The following LRRFIP2 variants were observed in gnomAD, a reference collection of about 807,000 sequenced individuals.
LRRFIP2 encodes the protein leucine-rich repeat flightless-interacting protein 2.
In LRRFIP2, 109 loss-of-function variants were observed where a neutral mutation model predicts 125.9. That is an observed-to-expected ratio of 0.87 (90% CI 0.74 to 1.01). The LOEUF is 1.01. Among genes scored for constraint, LRRFIP2 ranks in the 50% least tolerant of loss-of-function variants. The probability of loss-of-function intolerance (pLI) is 0.00; values close to 1 mark genes in which losing one functional copy is unlikely to be tolerated. For synonymous variants in LRRFIP2, 291 were observed against 293.1 expected, an observed-to-expected ratio of 0.99 and a Z score of 0.07; for missense variants, 850 against 862.3, an observed-to-expected ratio of 0.99 and a Z score of 0.18.
intron 25 of LRRFIP2, among the ~76,000 whole-genome samples, chr3:37,057,055 GC>G (rs1404464760): frequency 8.5e-5 from 13 of 152,082 alleles, no homozygotes; most frequent in Admixed American, 6.5e-4. Context: ...TCCACTCCTG[GC>G]CTTCTGGTCC....
chr3:37,080,931 A>G (rs749432392), intron 19 of LRRFIP2, among the ~76,000 whole-genome samples: 1 of 152,198 alleles, frequency 6.6e-6, no homozygotes, highest in African/African-American at 2.4e-5. Context: ...GATTAGATAT[A>G]TAATATGAAT....
At chr3:37,066,851 CA>C (rs1559684686) in intron 21 of LRRFIP2, 1 of 153,228 alleles carries the variant, frequency 6.5e-6, no homozygotes, top group African/African-American at 2.4e-5. Context: ...AGTAGTGTGG[CA>C]AAATACTCAA....
At position 37,053,337 on chromosome 3, in the gene LRRFIP2, C is replaced by T. The variant is rs1289767806; in HGVS notation, c.*514G>A. ...TCCAAACATATAAATCTGAGTGAAACATAGATTCCCCACCCGAGAACTTGT... is the reference window on the plus strand; with the variant it reads ...TCCAAACATATAAATCTGAGTGAAATATAGATTCCCCACCCGAGAACTTGT... On this transcript the variant is annotated 3_prime_UTR_variant, in exon 28 of 28. Coordinates refer to ENST00000336686, the MANE Select transcript of LRRFIP2 (RefSeq NM_006309.4). 3.3e-5 allele frequency: 5 copies of T among 152,454 alleles called. No individual in the cohort carries two copies. The highest frequency in any genetic ancestry group is 5.9e-5 in the Non-Finnish European group (4 of 68,032). The allele number at this position is 152,454 out of a possible 1,614,324, so 9.4% of individuals were successfully genotyped here. A position where few individuals can be genotyped will look rare whatever the true frequency, so the allele number is the denominator to read the frequency against.
intron 1 of LRRFIP2, among the ~76,000 whole-genome samples, chr3:37,163,179 C>T (rs1429501198): frequency 6.6e-6 from 1 of 152,208 alleles, no homozygotes; most frequent in Non-Finnish European, 1.5e-5. Context: ...AGCTTATCTT[C>T]TGAGAGCTTT....
chr3:37,117,750 TG>T (rs2094856419), intron 6 of LRRFIP2, among the ~76,000 whole-genome samples: 2 of 152,182 alleles, frequency 1.3e-5, no homozygotes, highest in Non-Finnish European at 2.9e-5. Flanking sequence ...TCTATTAGAA[TG>T]TACCTATTAC....
intron 1 of LRRFIP2, chr3:37,170,832 G>A (rs2096575965): frequency 6.6e-6 from 1 of 152,176 alleles, no homozygotes; most frequent in African/African-American, 2.4e-5. Context: ...CCAGCAATTT[G>A]GGAGGCCAAG....
intron 2 of LRRFIP2, among the ~76,000 whole-genome samples, chr3:37,133,347 A>G (rs1251507573): frequency 6.6e-6 from 1 of 152,268 alleles, no homozygotes; most frequent in Non-Finnish European, 1.5e-5. Context: ...ATATATTTAT[A>G]TACCAATGTT....
rs1366439915 is a variant in LRRFIP2, at chr3:37,156,850, C to T, written c.-55-7812G>A. On this transcript the variant is annotated intron_variant, in intron 1 of 27. Transcript: ENST00000336686. ...ATACACATTAAAAATAAAGATTATG[C>T]GGGGTGTGGTGGCTCATGTCTGTAA... Among the ~76,000 whole-genome samples, 8 of 152,092 alleles carry T rather than the reference C, an allele frequency of 5.3e-5. No homozygotes were observed. In the East Asian group the frequency reaches 1.3e-3, roughly 26 times the overall value.
chr3:37,139,644 G>A (rs935791134), intron 2 of LRRFIP2, among the ~76,000 whole-genome samples: 38 of 151,840 alleles, frequency 2.5e-4, no homozygotes, highest in Middle Eastern at 3.2e-3. Flanking sequence ...CCCAAGCCCC[G>A]TCACACACAC....
At chr3:37,075,853 A>T (rs559271262) in intron 19 of LRRFIP2, among the ~76,000 whole-genome samples, 49 of 152,290 alleles carry the variant, frequency 3.2e-4, no homozygotes, top group African/African-American at 1.2e-3. Flanking sequence ...ATATAGACCA[A>T]GGGAGCAGAA....
chr3:37,106,309 T>C lies in LRRFIP2; in HGVS notation c.715-786A>G, dbSNP rs552406185. 4.6e-5 allele frequency among the ~76,000 whole-genome samples: 7 copies of C among 152,362 alleles called. No homozygotes were observed. In the South Asian group the frequency reaches 1.2e-3, roughly 27 times the overall value. On this transcript the variant is annotated intron_variant, in intron 13 of 27. Transcript: ENST00000336686. ...TTTCCTTTATTCATTCCTATGCAGCTAGTGGAGATGTTGCTAACATCACCC... is the reference window on the plus strand; with the variant it reads ...TTTCCTTTATTCATTCCTATGCAGCCAGTGGAGATGTTGCTAACATCACCC...
chr3:37,091,385 T>A, intron 18 of LRRFIP2, 82 bp downstream of exon 18: 6 of 1,033,648 alleles, frequency 5.8e-6, no homozygotes, highest in Non-Finnish European at 8.6e-6. Context: ...TATGTGCAGT[T>A]GGTTAACAGA....
chr3:37,071,891 C>T (rs1257807727), intron 21 of LRRFIP2, among the ~76,000 whole-genome samples: 1 of 152,114 alleles, frequency 6.6e-6, no homozygotes, highest in Non-Finnish European at 1.5e-5. Flanking sequence ...GAATTTTTTC[C>T]AGCTTTTGGT....
chr3:37,121,674 G>GGCCC lies in LRRFIP2; in HGVS notation c.242_245dup (p.Arg83GlyfsTer17), dbSNP rs766526816. The GGCCC allele has an allele frequency of 2.9e-5, 47 of 1,613,992 alleles. No homozygotes were observed. The highest frequency in any genetic ancestry group is 1.6e-4 in the Middle Eastern group (1 of 6,082). The stretch of plus-strand genomic sequence containing the variant: ...GGTGACTGGACCGGTGGGAATACCT[G>GGCCC]GCCCTTTCCGAATCTTCCTGGGAAA... On this transcript the variant is annotated frameshift_variant, in exon 5 of 28. Coordinates refer to ENST00000336686, the MANE Select transcript of LRRFIP2 (RefSeq NM_006309.4). LOFTEE classifies it high-confidence loss of function.
intron 18 of LRRFIP2, among the ~76,000 whole-genome samples, 190 bp downstream of exon 18, chr3:37,091,277 G>A (rs1425856840): frequency 6.6e-6 from 1 of 152,052 alleles, no homozygotes; most frequent in African/African-American, 2.4e-5. Flanking sequence ...TTCAAAAACT[G>A]TACTACACAT....
intron 18 of LRRFIP2, among the ~76,000 whole-genome samples, chr3:37,091,228 GAA>G (rs113267946): frequency 0.023 from 3,301 of 145,356 alleles, 116 homozygotes; most frequent in African/African-American, 0.078. Flanking sequence ...AAATAAAAAA[GAA>G]AAAAAAAAAA....
intron 15 of LRRFIP2, among the ~76,000 whole-genome samples, chr3:37,098,005 G>T (rs749429591): frequency 1.3e-5 from 2 of 152,152 alleles, no homozygotes; most frequent in Non-Finnish European, 2.9e-5. Context: ...ATTAAAACAT[G>T]AAACATCATT....
At chr3:37,066,681 G>C (rs998606013) in intron 21 of LRRFIP2, 2 of 176,612 alleles carry the variant, frequency 1.1e-5, no homozygotes, top group Non-Finnish European at 2.4e-5. Flanking sequence ...GACTGCCTAA[G>C]TGCATTTTTA....
intron 21 of LRRFIP2, among the ~76,000 whole-genome samples, chr3:37,069,276 A>C (rs1366164928): frequency 6.6e-6 from 1 of 152,352 alleles, no homozygotes; most frequent in Middle Eastern, 3.4e-3. Flanking sequence ...AGTCTTGAAG[A>C]GTTATTTGAA....
Sources: allele counts gnomAD v4.1 joint callset (sites outside exome capture counted in the v4.1 genomes callset), GRCh38; gene constraint gnomAD v4.1.1; transcripts MANE v1.5; gene names NCBI Gene and HGNC (gene_info 2026-07-23, HGNC 2026-07-21).